The following ITGA11 variants were observed in gnomAD, a reference collection of about 807,000 sequenced individuals.
ITGA11 encodes the protein integrin alpha-11.
ITGA11 carries 97 observed loss-of-function variants against 141.9 expected under a neutral mutation model. That is an observed-to-expected ratio of 0.68 (90% CI 0.58 to 0.81). ITGA11 has a LOEUF of 0.81. Ranked by LOEUF, ITGA11 falls within the 30% of genes least tolerant of loss-of-function variation. The probability of loss-of-function intolerance (pLI) is 0.00; values close to 1 mark genes in which losing one functional copy is unlikely to be tolerated. For synonymous variants in ITGA11, 658 were observed against 624.6 expected (o/e 1.05, Z -0.80); for missense variants, 1,387 against 1,559.2 (o/e 0.89, Z 1.86).
chr15:68,346,764 C>T (rs1268445381), intron 10 of ITGA11, among the ~76,000 whole-genome samples: 1 of 152,182 alleles, frequency 6.6e-6, no homozygotes, highest in African/African-American at 2.4e-5. Context: ...CAAGCCCTCT[C>T]CGGATCTTTC....
Position 68,402,975 on chromosome 15 carries a change from G to C in ITGA11, c.107C>G (p.Ser36Cys), listed in dbSNP as rs745879395. 2 of 1,613,698 alleles carry C rather than the reference G, an allele frequency of 1.2e-6. No homozygotes were observed. The highest frequency in any genetic ancestry group is 4.5e-5 in the East Asian group (2 of 44,870). The change falls in exon 2 of 30, where the codon TCC becomes TGC. Residue 36 changes from serine (S) to cysteine (C), a missense_variant. Transcript: ENST00000315757. The stretch of plus-strand genomic sequence containing the variant: ...TGTGTAGCCAAAGAAGGCGGTCCTG[G>C]AGCCAGGGATGACCCGGGGCTTCCT... ...DTRKPRVIPG[S>C]RTAFFGYTVQ... is the part of the protein sequence containing the mutation.
intron 10 of ITGA11, among the ~76,000 whole-genome samples, chr15:68,346,283 G>C (rs977738733): frequency 1.3e-5 from 2 of 152,166 alleles, no homozygotes; most frequent in Non-Finnish European, 2.9e-5. Flanking sequence ...TCTGGAAGCT[G>C]GGGAACCTGT....
At chr15:68,331,660 G>A (rs565876109) in intron 14 of ITGA11, among the ~76,000 whole-genome samples, 199 bp downstream of exon 14, 1 of 151,978 alleles carries the variant, frequency 6.6e-6, no homozygotes, top group Non-Finnish European at 1.5e-5. Context: ...GCCAAAGGGG[G>A]TGATGGGAGG....
intron 1 of ITGA11, among the ~76,000 whole-genome samples, chr15:68,420,641 G>A (rs1896996622): frequency 7.2e-6 from 1 of 138,282 alleles, no homozygotes; most frequent in South Asian, 2.1e-4. Flanking sequence ...ATTAGTAAAT[G>A]GGATTTCTAG....
At position 68,331,038 on chromosome 15, in the gene ITGA11, T is replaced by A. The variant is rs745366518; in HGVS notation, c.1844A>T (p.Asn615Ile). The A allele has an allele frequency of 6.2e-7, 1 of 1,613,208 alleles. No individual in the cohort carries two copies. The highest frequency in any genetic ancestry group is 8.5e-7 in the Non-Finnish European group (1 of 1,179,672). The change falls in exon 15 of 30, where the codon AAT becomes ATT. Residue 615 changes from asparagine (N) to isoleucine (I), a missense_variant. Asn to Ile is a moderately radical substitution (Grantham distance 149). Transcript: ENST00000315757. ...GCSIHGQLDLNEDGLIDLAVG... is the reference protein window; with the variant it reads ...GCSIHGQLDLIEDGLIDLAVG... ...TGCCAGGTCGATGAGCCCATCCTCA[T>A]TGAGGTCCAATTGCCCGTGGATGCT...
At chr15:68,358,316 A>C (rs764723408) in intron 6 of ITGA11, 142 bp downstream of exon 6, 16 of 799,690 alleles carry the variant, frequency 2.0e-5, no homozygotes, top group Non-Finnish European at 2.9e-5. Context: ...GCAGTGCCCC[A>C]GTGCTGGCTG....
intron 2 of ITGA11, among the ~76,000 whole-genome samples, chr15:68,391,096 C>T (rs551783382): frequency 6.6e-6 from 1 of 152,242 alleles, no homozygotes; most frequent in East Asian, 1.9e-4. Context: ...GAAGAGGAAG[C>T]AGGGAGGGGA....
chr15:68,355,254 T>A (rs1445294022), intron 7 of ITGA11, among the ~76,000 whole-genome samples: 1 of 152,098 alleles, frequency 6.6e-6, no homozygotes, highest in Non-Finnish European at 1.5e-5. Flanking sequence ...AATGGCCCAT[T>A]CCTTATGAGG....
chr15:68,426,892 G>A (rs1233224932), intron 1 of ITGA11, among the ~76,000 whole-genome samples: 2 of 151,868 alleles, frequency 1.3e-5, no homozygotes, highest in East Asian at 3.9e-4. Context: ...GCACAGGCCT[G>A]TAATCCCAGC....
chr15:68,350,846 A>C, intron 8 of ITGA11, 64 bp from the exon 9 acceptor site: 11 of 1,519,370 alleles, frequency 7.2e-6, no homozygotes, highest in Non-Finnish European at 8.9e-6. Context: ...CATACACCAC[A>C]CGGCCTAGAC....
chr15:68,304,670 T>C lies in ITGA11; in HGVS notation c.3382-785A>G, dbSNP rs74023108. On this transcript the variant is annotated intron_variant, in intron 28 of 29. Coordinates refer to ENST00000315757, the MANE Select transcript of ITGA11 (RefSeq NM_001004439.2). This position sits in a 1 kb window ranked among gnomAD's most constrained non-coding sequence, Gnocchi z 6.1. Reference sequence around the variant, plus strand: ...ACTGTCTCCTGGCCTGCCTGGCAACTGTAACAGGCCCCTAACCAAGCTCTT... The same window carrying C: ...ACTGTCTCCTGGCCTGCCTGGCAACCGTAACAGGCCCCTAACCAAGCTCTT... Among the ~76,000 whole-genome samples, 1,970 of 152,168 alleles carry C rather than the reference T, an allele frequency of 0.013. 38 individuals carry two copies. Among genetic ancestry groups the C allele is most frequent in the African/African-American group, 0.045 (1,876 of 41,510 alleles).
chr15:68,374,708 C>T (rs1373512264), intron 2 of ITGA11, among the ~76,000 whole-genome samples: 1 of 152,194 alleles, frequency 6.6e-6, no homozygotes, highest in Non-Finnish European at 1.5e-5. Context: ...AAGAAGGAAC[C>T]TCCAAGGATG....
intron 12 of ITGA11, among the ~76,000 whole-genome samples, chr15:68,332,698 T>C (rs1330517858): frequency 2.0e-5 from 3 of 152,214 alleles, no homozygotes; most frequent in Non-Finnish European, 2.9e-5. Context: ...CTTTTCCTTC[T>C]GTCATTATCC....
Position 68,307,660 on chromosome 15 carries a change from T to C in ITGA11, c.3211A>G (p.Asn1071Asp). 6.2e-7 allele frequency: 1 copy of C among 1,613,888 alleles called. No individual in the cohort carries two copies. The highest frequency in any genetic ancestry group is 8.5e-7 in the Non-Finnish European group (1 of 1,179,828). The change falls in exon 27 of 30, where the codon AAT becomes GAT. Residue 1071 changes from asparagine (N) to aspartate (D), a missense_variant. Physicochemically the swap from Asn to Asp is conservative, Grantham distance 23. Coordinates refer to ENST00000315757, the MANE Select transcript of ITGA11 (RefSeq NM_001004439.2). This position sits in a 1 kb window ranked among gnomAD's most constrained non-coding sequence, Gnocchi z 6.1. ...SNSDVVSINC[N>D]IRLVPNQEIN... The stretch of plus-strand genomic sequence containing the variant: ...TCCTGGTTGGGGACCAGCCGTATAT[T>C]GCAGTTGATGGAGACGACATCAGAG...
chr15:68,401,576 G>A (rs969067797), intron 2 of ITGA11, among the ~76,000 whole-genome samples: 2 of 152,168 alleles, frequency 1.3e-5, no homozygotes, highest in Non-Finnish European at 2.9e-5. Context: ...CCTCACAGGC[G>A]TAATGTTGAG....
Position 68,302,047 on chromosome 15 carries a change from T to G in ITGA11, c.*1012A>C. On this transcript the variant is annotated 3_prime_UTR_variant, in exon 30 of 30. Transcript: ENST00000315757. Reference sequence around the variant, plus strand: ...TGCACTGGCGGGCATGAGGGAAGGATGGGAGGCAGTGTGTGTGTGTGTGTG... The same window carrying G: ...TGCACTGGCGGGCATGAGGGAAGGAGGGGAGGCAGTGTGTGTGTGTGTGTG... 8.5e-6 allele frequency: 1 copy of G among 117,908 alleles called. No homozygotes were observed. The highest frequency in any genetic ancestry group is 1.8e-5 in the Non-Finnish European group (1 of 55,960). 7.3% of individuals were successfully genotyped at this position (117,908 alleles called of 1,614,324 possible).
intron 5 of ITGA11, among the ~76,000 whole-genome samples, chr15:68,358,991 T>C (rs2034253259): frequency 6.6e-6 from 1 of 152,184 alleles, no homozygotes; most frequent in South Asian, 2.1e-4. Flanking sequence ...AGGAGGGAGA[T>C]ATGATGTCGT....
intron 4 of ITGA11, 141 bp downstream of exon 4, chr15:68,364,566 A>G (rs1895353731): frequency 7.0e-6 from 5 of 713,102 alleles, no homozygotes; most frequent in African/African-American, 1.7e-5. Context: ...CCTGGAATGC[A>G]CAGGGCCAGG....
In ITGA11 at chr15:68,325,265, C is replaced by G. The variant is rs75284077; in HGVS notation, c.2212-24G>C. 36,584 of 1,497,008 alleles carry G rather than the reference C, an allele frequency of 0.024. 529 individuals carry two copies. The highest frequency in any genetic ancestry group is 0.056 in the Middle Eastern group (327 of 5,858). The allele number at this position is 1,497,008 out of a possible 1,614,324, so 92.7% of individuals were successfully genotyped here. On this transcript the variant is annotated intron_variant, in intron 17 of 29. Coordinates refer to ENST00000315757, the MANE Select transcript of ITGA11 (RefSeq NM_001004439.2). The surrounding 1 kb of genome is among the most constrained non-coding windows in gnomAD (Gnocchi z 5.5). ...TCCTGGGGGGTGGAGATGAGGGCAG[C>G]GGTGAGGGAGGAGAGAACGTCATTT... is the stretch of plus-strand genomic sequence containing the variant.
Sources: allele counts gnomAD v4.1 joint callset (sites outside exome capture counted in the v4.1 genomes callset), GRCh38; gene constraint gnomAD v4.1.1; non-coding constraint Gnocchi (gnomAD v3.1); transcripts MANE v1.5; gene names NCBI Gene and HGNC (gene_info 2026-07-23, HGNC 2026-07-21).